RBFOX1: variants seen among roughly 807,000 people sequenced by gnomAD.
The protein encoded by RBFOX1 is RNA binding protein fox-1 homolog 1.
In RBFOX1, 8 loss-of-function variants were observed where a neutral mutation model predicts 57.7. That is an observed-to-expected ratio of 0.14 (90% CI 0.08 to 0.25). The LOEUF is 0.25. RBFOX1 is among the 10% of genes least tolerant of loss of function. The pLI, the probability that RBFOX1 is intolerant of heterozygous loss-of-function variation, is 1.00. For missense variants in RBFOX1, 611 were observed against 548.5 expected, an observed-to-expected ratio of 1.11 and a Z score of -1.14; for synonymous variants, 326 against 222.4, an observed-to-expected ratio of 1.47 and a Z score of -4.15.
rs1327630680 is a variant in RBFOX1 at position 6,657,199 on chromosome 16, C to G, written c.-16+2549C>G. On this transcript the variant is annotated intron_variant, in intron 3 of 15. Coordinates refer to ENST00000550418, the MANE Select transcript of RBFOX1 (RefSeq NM_018723.4). Reference sequence around the variant, plus strand: ...TCTCTCCTCCTTTCCTTCCCACTTTCTCGTCTTCCTTCCTCCCTCCTTCCT... The same window carrying G: ...TCTCTCCTCCTTTCCTTCCCACTTTGTCGTCTTCCTTCCTCCCTCCTTCCT... 2.6e-5 allele frequency among the ~76,000 whole-genome samples: 4 copies of G among 151,500 alleles called. No homozygotes were observed. In the Admixed American group the frequency reaches 2.6e-4, roughly 10 times the overall value.
chr16:7,472,742 A>T (rs555334040), intron 4 of RBFOX1, among the ~76,000 whole-genome samples: 1 of 152,310 alleles, frequency 6.6e-6, no homozygotes, highest in East Asian at 1.9e-4. Context: ...AAGTTCCCAG[A>T]CTGTGGCAAA....
chr16:7,008,403 A>G (rs993847093), intron 3 of RBFOX1, among the ~76,000 whole-genome samples: 5 of 151,910 alleles, frequency 3.3e-5, no homozygotes, highest in South Asian at 2.1e-4. Flanking sequence ...TTAGCCAGGC[A>G]TGGTGGCGCA....
chr16:7,629,600 C>T (rs1319495966), intron 10 of RBFOX1, among the ~76,000 whole-genome samples: 1 of 152,256 alleles, frequency 6.6e-6, no homozygotes, highest in Non-Finnish European at 1.5e-5. Flanking sequence ...TTTTCAAAGT[C>T]TTGGAGTTTG....
At chr16:7,174,704 C>T (rs117250891) in intron 4 of RBFOX1, among the ~76,000 whole-genome samples, 13 of 152,200 alleles carry the variant, frequency 8.5e-5, no homozygotes, top group East Asian at 1.9e-4. Context: ...CACTTGAACG[C>T]GAGAGGCGGA....
intron 1 of RBFOX1, among the ~76,000 whole-genome samples, chr16:5,462,678 G>C (rs998948783): frequency 1.3e-5 from 2 of 152,134 alleles, no homozygotes; most frequent in Non-Finnish European, 2.9e-5. Flanking sequence ...TGCATCCATG[G>C]CATGGAATTC....
intron 2 of RBFOX1, among the ~76,000 whole-genome samples, chr16:6,585,290 C>T (rs2097592296): frequency 1.3e-5 from 2 of 152,148 alleles, no homozygotes; most frequent in Admixed American, 1.3e-4. Flanking sequence ...ACAAGAGGTA[C>T]ATTTGCAGGG....
chr16:6,703,989 C>A (rs1018415725), intron 3 of RBFOX1: 1 of 152,426 alleles, frequency 6.6e-6, no homozygotes, highest in Admixed American at 6.5e-5. Context: ...TGATTTTAAC[C>A]CTCTCTGTGT....
chr16:6,499,704 G>A (rs182518577), intron 2 of RBFOX1, among the ~76,000 whole-genome samples: 8 of 152,002 alleles, frequency 5.3e-5, no homozygotes, highest in African/African-American at 1.9e-4. Flanking sequence ...ATGTTGGCTG[G>A]TTTTCCCCCT....
chr16:7,234,804 C>G (rs73544810), intron 4 of RBFOX1, among the ~76,000 whole-genome samples: 1 of 151,800 alleles, frequency 6.6e-6, no homozygotes, highest in Non-Finnish European at 1.5e-5. Flanking sequence ...TTTTCAATTT[C>G]CAAAAATATG....
chr16:6,108,385 G>C (rs1274574386), intron 1 of RBFOX1, among the ~76,000 whole-genome samples: 1 of 152,122 alleles, frequency 6.6e-6, no homozygotes, highest in Non-Finnish European at 1.5e-5. Context: ...ACACTTGTAA[G>C]GTGGTTGTGA....
chr16:7,238,276 G>A (rs986885348), intron 4 of RBFOX1, among the ~76,000 whole-genome samples: 2 of 152,038 alleles, frequency 1.3e-5, no homozygotes, highest in Non-Finnish European at 2.9e-5. Flanking sequence ...GGGAATGGCT[G>A]TGCAACACTG....
In RBFOX1 at chr16:6,844,639, A is replaced by G. The variant is rs147821773; in HGVS notation, c.-16+189989A>G. Among the ~76,000 whole-genome samples, 335 of 152,204 alleles carry G rather than the reference A, an allele frequency of 2.2e-3. 2 individuals are homozygous for G. Among genetic ancestry groups the G allele is most frequent in the Middle Eastern group, 3.4e-3 (1 of 294 alleles). On this transcript the variant is annotated intron_variant, in intron 3 of 15. Coordinates refer to ENST00000550418, the MANE Select transcript of RBFOX1 (RefSeq NM_018723.4). Reference sequence around the variant, plus strand: ...CTTTGCTATCGTGAATAGTGCTGCAATTAACTTACATGTGCACATACCTTT... The same window carrying G: ...CTTTGCTATCGTGAATAGTGCTGCAGTTAACTTACATGTGCACATACCTTT...
At chr16:5,403,225 T>C (rs1424362930) in intron 1 of RBFOX1, among the ~76,000 whole-genome samples, 2 of 151,632 alleles carry the variant, frequency 1.3e-5, no homozygotes, top group African/African-American at 2.4e-5. Context: ...TGGTGCATGC[T>C]TGTAATCCCA....
intron 4 of RBFOX1, among the ~76,000 whole-genome samples, chr16:7,443,442 T>A (rs1253243539): frequency 6.6e-6 from 1 of 151,346 alleles, no homozygotes; most frequent in Non-Finnish European, 1.5e-5. Context: ...CCTCTTTCTT[T>A]GCCCCCTCCC....
chr16:5,885,851 G>T lies in RBFOX1; in HGVS notation c.351+18516G>T, dbSNP rs149883329. On this transcript the variant is annotated intron_variant, in intron 4 of 19. Transcript: ENST00000641259. Reference sequence around the variant, plus strand: ...CTCTGAACTGTTCCACCTACTAGCTGGGTTACTGATACAGGTTGGCTCTGT... The same window carrying T: ...CTCTGAACTGTTCCACCTACTAGCTTGGTTACTGATACAGGTTGGCTCTGT... Among the ~76,000 whole-genome samples, 10 of 152,178 alleles carry T rather than the reference G, an allele frequency of 6.6e-5. No individual in the cohort carries two copies. In the East Asian group the frequency reaches 1.9e-3, roughly 29 times the overall value.
chr16:5,579,940 T>C (rs1040234707), intron 2 of RBFOX1, among the ~76,000 whole-genome samples: 2 of 152,082 alleles, frequency 1.3e-5, no homozygotes, highest in Non-Finnish European at 2.9e-5. Context: ...TTTTCTTTTT[T>C]TTGAATTTTT....
chr16:6,395,263 A>G (rs1274511044), intron 2 of RBFOX1, among the ~76,000 whole-genome samples: 1 of 152,214 alleles, frequency 6.6e-6, no homozygotes, highest in Non-Finnish European at 1.5e-5. Context: ...CGTTTTTGTC[A>G]TAGACGTGGT....
intron 3 of RBFOX1, among the ~76,000 whole-genome samples, chr16:6,977,013 TATGTATC>T (rs1287142536): frequency 1.4e-5 from 2 of 144,100 alleles, no homozygotes; most frequent in Non-Finnish European, 3.0e-5. Context: ...TTGTATATCA[TATGTATC>T]ATGTATCATA....
chr16:6,478,268 G>A (rs535142666), intron 2 of RBFOX1, among the ~76,000 whole-genome samples: 1 of 144,192 alleles, frequency 6.9e-6, no homozygotes, highest in South Asian at 2.2e-4. Context: ...TGTCACCTGG[G>A]CTGGAGTGCA....
Sources: allele counts gnomAD v4.1 joint callset (sites outside exome capture counted in the v4.1 genomes callset), GRCh38; gene constraint gnomAD v4.1.1; transcripts MANE v1.5; gene names NCBI Gene and HGNC (gene_info 2026-07-23, HGNC 2026-07-21).